The following VWA8 variants were observed in gnomAD, a reference collection of about 807,000 sequenced individuals.
VWA8 encodes von Willebrand factor A domain-containing protein 8.
In VWA8, 221 loss-of-function variants were observed where a neutral mutation model predicts 241.5. The ratio of observed to expected loss-of-function variants is 0.91; its 90% CI spans 0.82 to 1.02. The LOEUF is 1.02. Ranked by LOEUF, VWA8 falls within the 50% of genes least tolerant of loss-of-function variation. The pLI, the probability that VWA8 is intolerant of heterozygous loss-of-function variation, is 0.00. For missense variants in VWA8, 2,322 were observed against 2,328.7 expected (o/e 1.00, Z 0.06); for synonymous variants, 852 against 827.1 (o/e 1.03, Z -0.52).
chr13:41,615,064 A>G lies in VWA8; in HGVS notation c.4632T>C (p.Ser1544=), dbSNP rs2044612623. 1 of 1,613,690 alleles carries G rather than the reference A, an allele frequency of 6.2e-7. No homozygotes were observed. Among genetic ancestry groups the G allele is most frequent in the South Asian group, 1.1e-5 (1 of 91,070 alleles). Residue 1544 remains serine, a synonymous_variant, in exon 38 of 45, where the codon AGT becomes AGC. Coordinates refer to ENST00000379310, the MANE Select transcript of VWA8 (RefSeq NM_015058.2). ...GTTTGGGGGAGCTTACATCTTCACC[A>G]CTGTCTCTGTTGATTGTTATCTAAA... is the stretch of plus-strand genomic sequence containing the variant. ...RNMQITINRD[S]GEDVSSPKHG...
intron 17 of VWA8, among the ~76,000 whole-genome samples, chr13:41,791,114 GT>G (rs201603955): frequency 3.1e-4 from 46 of 149,840 alleles, no homozygotes; most frequent in Middle Eastern, 3.4e-3. Flanking sequence ...TATAAAATGA[GT>G]TTTTTTTTTA....
intron 21 of VWA8, among the ~76,000 whole-genome samples, chr13:41,739,588 C>T (rs994627152): frequency 2.0e-5 from 3 of 151,984 alleles, no homozygotes; most frequent in East Asian, 3.9e-4. Context: ...ACTTTAACCA[C>T]CCAGGTCAAA....
intron 21 of VWA8, among the ~76,000 whole-genome samples, chr13:41,739,169 T>C (rs9525540): frequency 0.084 from 12,752 of 152,188 alleles, 548 homozygotes; most frequent in Middle Eastern, 0.11. Context: ...ATTCATACTA[T>C]ACTTAAGGGA....
At chr13:41,935,694 C>T (rs1285871361) in intron 2 of VWA8, among the ~76,000 whole-genome samples, 6 of 151,942 alleles carry the variant, frequency 3.9e-5, no homozygotes, top group Non-Finnish European at 1.5e-5. Flanking sequence ...TGCAGTGCTC[C>T]TCCCACACTT....
chr13:41,946,599 G>A (rs1439335800), intron 2 of VWA8, among the ~76,000 whole-genome samples: 5 of 151,370 alleles, frequency 3.3e-5, no homozygotes, highest in Non-Finnish European at 5.9e-5. Flanking sequence ...AAACAAGATT[G>A]TTTTAGGTTA....
At chr13:41,672,102 T>C (rs2045029856) in intron 36 of VWA8, among the ~76,000 whole-genome samples, 1 of 152,048 alleles carries the variant, frequency 6.6e-6, no homozygotes, top group Non-Finnish European at 1.5e-5. Flanking sequence ...CGCTAATGAG[T>C]GAGTACTGGA....
intron 20 of VWA8, among the ~76,000 whole-genome samples, chr13:41,772,774 C>CTACA (rs1480581239): frequency 5.9e-5 from 9 of 152,144 alleles, no homozygotes; most frequent in African/African-American, 2.2e-4. Flanking sequence ...ACAAGTGGTG[C>CTACA]TTGTATTTAG....
At position 41,865,969 on chromosome 13, in the gene VWA8, T is replaced by C. The variant is rs760871639; in HGVS notation, c.1280A>G (p.His427Arg). The change falls in exon 11 of 45, where the codon CAT becomes CGT. Residue 427 changes from histidine to arginine, a missense_variant. His to Arg is a conservative substitution (Grantham distance 29). Transcript: ENST00000379310. Reference sequence around the variant, plus strand: ...CATCATTTCAGCCTGTAGCTGCTTATGGCTCAAAGTCTGTATGAAACGGTC... The same window carrying C: ...CATCATTTCAGCCTGTAGCTGCTTACGGCTCAAAGTCTGTATGAAACGGTC... ...ASDRFIQTLS[H>R]KQLQAEMMQS... 5.0e-6 allele frequency: 8 copies of C among 1,614,128 alleles called. No homozygotes were observed. Among genetic ancestry groups the C allele is most frequent in the African/African-American group, 4.0e-5 (3 of 74,942 alleles).
rs199643337 is a variant in VWA8 at position 41,699,117 on chromosome 13, G to A, written c.3518C>T (p.Pro1173Leu). Residue 1173 changes from proline (P) to leucine (L), a missense_variant, in exon 29 of 45, where the codon CCG (proline) becomes CTG (leucine). Physicochemically the swap from Pro to Leu is moderately conservative, Grantham distance 98. Transcript: ENST00000379310. ...TTGACCTTTGAGAGGACTTCCCAGCGGTGCCACTGTCACAAAAGGGTGCCA... is the reference window on the plus strand; with the variant it reads ...TTGACCTTTGAGAGGACTTCCCAGCAGTGCCACTGTCACAAAAGGGTGCCA... ...GVWHPFVTVA[P>L]LGSPLKGQVV... 6.1e-4 allele frequency: 981 copies of A among 1,613,880 alleles called. 2 individuals are homozygous for A. The highest frequency in any genetic ancestry group is 7.5e-4 in the Non-Finnish European group (889 of 1,179,934).
At chr13:41,647,747 T>A (rs1279772392) in intron 37 of VWA8, among the ~76,000 whole-genome samples, 1 of 152,190 alleles carries the variant, frequency 6.6e-6, no homozygotes. Context: ...CCTAGCACTT[T>A]GGGAGGCCGA....
intron 26 of VWA8, among the ~76,000 whole-genome samples, chr13:41,715,992 A>G (rs2045345789): frequency 6.6e-6 from 1 of 152,002 alleles, no homozygotes; most frequent in Non-Finnish European, 1.5e-5. Context: ...TCATATTTTT[A>G]AAAATACTTT....
chr13:41,905,727 T>C (rs143597639), intron 4 of VWA8, among the ~76,000 whole-genome samples: 21 of 152,196 alleles, frequency 1.4e-4, no homozygotes, highest in African/African-American at 4.8e-4. Flanking sequence ...TGATTGTTAA[T>C]GTTAAACGTT....
At position 41,581,688 on chromosome 13, in the gene VWA8, T is replaced by A. The variant is rs1489508595; in HGVS notation, c.5271+5824A>T. On this transcript the variant is annotated intron_variant, in intron 42 of 44. Transcript: ENST00000379310. ...ATATGCCTTCACAGAAACAATACGT[T>A]TAAGTTTCTTTTTTTTTTTCCAAGT... 3.0e-5 allele frequency among the ~76,000 whole-genome samples: 4 copies of A among 133,922 alleles called. No individual in the cohort carries two copies. In the East Asian group the frequency reaches 8.5e-4, roughly 29 times the overall value. The allele number at this position is 133,922 out of a possible 152,430, so 87.9% of individuals were successfully genotyped here.
At chr13:41,686,126 T>C (rs2045134637) in intron 34 of VWA8, among the ~76,000 whole-genome samples, 1 of 152,158 alleles carries the variant, frequency 6.6e-6, no homozygotes, top group African/African-American at 2.4e-5. Context: ...TATATGCAGG[T>C]ATCTGTTTCT....
At chr13:41,767,879 G>T (rs2045790084) in intron 20 of VWA8, among the ~76,000 whole-genome samples, 1 of 152,204 alleles carries the variant, frequency 6.6e-6, no homozygotes, top group Admixed American at 6.5e-5. Context: ...GACAAATATT[G>T]CAGGGGGCAA....
At chr13:41,685,932 T>A (rs887758377) in intron 34 of VWA8, among the ~76,000 whole-genome samples, 1 of 152,212 alleles carries the variant, frequency 6.6e-6, no homozygotes, top group African/African-American at 2.4e-5. Flanking sequence ...AAAGATAATT[T>A]CTTATGCTTT....
chr13:41,816,726 T>C lies in VWA8; in HGVS notation c.1919A>G (p.His640Arg). The change falls in exon 16 of 45, where the codon CAC becomes CGC. Residue 640 changes from histidine (H) to arginine (R), a missense_variant. By Grantham distance (29) the His-to-Arg change is conservative. Coordinates refer to ENST00000379310, the MANE Select transcript of VWA8 (RefSeq NM_015058.2). ...TGGATCCTGTGTTTCTCTGAGTTTG[T>C]GTGTAAATGATAATAACTTATCCAG... is the stretch of plus-strand genomic sequence containing the variant. ...EALDKLLSFT[H>R]KLRETQDPTA... 2 of 1,613,752 alleles carry C rather than the reference T, an allele frequency of 1.2e-6. No homozygotes were observed. The highest frequency in any genetic ancestry group is 2.2e-5 in the South Asian group (2 of 91,028).
intron 37 of VWA8, among the ~76,000 whole-genome samples, chr13:41,645,535 C>T (rs1356217129): frequency 2.0e-5 from 3 of 152,298 alleles, no homozygotes; most frequent in Non-Finnish European, 2.9e-5. Context: ...TTGCGGCAGG[C>T]CCCTTTTTAT....
At chr13:41,732,186 G>GC (rs1463065544) in intron 21 of VWA8, 31 bp from the exon 22 acceptor site, 1 of 1,585,524 alleles carries the variant, frequency 6.3e-7, no homozygotes, top group South Asian at 1.1e-5. Flanking sequence ...TTTATAGTTA[G>GC]GAAGGAAATA....
Sources: gnomAD v4.1 joint callset for allele counts (sites outside exome capture counted in the v4.1 genomes callset) on GRCh38, gnomAD v4.1.1 for gene constraint, MANE v1.5 for transcripts, NCBI Gene and HGNC (gene_info 2026-07-23, HGNC 2026-07-21) for gene names.